Variants in ATRNL1 observed in about 807,000 individuals in gnomAD.
ATRNL1 encodes attractin like 1.
Under a neutral mutation model 182.7 loss-of-function variants are expected in ATRNL1, and 95 were observed. The observed-to-expected ratio is 0.52, with a 90% CI of 0.44 to 0.62. The LOEUF is 0.62. Ranked by LOEUF, ATRNL1 falls within the 20% of genes least tolerant of loss-of-function variation. The probability of loss-of-function intolerance (pLI) is 0.00; values close to 1 mark genes in which losing one functional copy is unlikely to be tolerated. For synonymous variants in ATRNL1, 576 were observed against 568.3 expected (o/e 1.01, Z -0.19); for missense variants, 1,471 against 1,679.5 (o/e 0.88, Z 2.17).
chr10:115,661,815 C>T (rs1555037920), intron 26 of ATRNL1, among the ~76,000 whole-genome samples: 1 of 152,038 alleles, frequency 6.6e-6, no homozygotes, highest in African/African-American at 2.4e-5. Flanking sequence ...TACATGTGCA[C>T]AACGTGCAGG....
At chr10:115,511,444 C>T (rs1850381318) in intron 24 of ATRNL1, among the ~76,000 whole-genome samples, 1 of 151,888 alleles carries the variant, frequency 6.6e-6, no homozygotes, top group African/African-American at 2.4e-5. Context: ...TTGCAAGACC[C>T]TCTCTTTCCC....
chr10:115,783,732 G>T (rs1949325610), intron 27 of ATRNL1, among the ~76,000 whole-genome samples: 1 of 152,072 alleles, frequency 6.6e-6, no homozygotes, highest in African/African-American at 2.4e-5. Context: ...AAGTGATTCG[G>T]GGCCGGGCGC....
At chr10:115,506,969 ATGTG>A (rs1565114171) in intron 24 of ATRNL1, among the ~76,000 whole-genome samples, 2 of 152,110 alleles carry the variant, frequency 1.3e-5, no homozygotes, top group African/African-American at 4.8e-5. Flanking sequence ...TTTTGATGAC[ATGTG>A]CCCAAAGTGA....
At chr10:115,399,426 C>A (rs1165800431) in intron 20 of ATRNL1, among the ~76,000 whole-genome samples, 1 of 151,882 alleles carries the variant, frequency 6.6e-6, no homozygotes, top group Non-Finnish European at 1.5e-5. Flanking sequence ...AGAAATTTAT[C>A]CTTTTTTTAT....
chr10:115,633,542 A>G (rs554147906), intron 26 of ATRNL1, among the ~76,000 whole-genome samples: 2 of 152,294 alleles, frequency 1.3e-5, no homozygotes, highest in South Asian at 4.1e-4. Context: ...ATGGGTTCTG[A>G]TTCAAAAATA....
intron 24 of ATRNL1, among the ~76,000 whole-genome samples, chr10:115,499,976 A>G (rs1554979609): frequency 6.6e-6 from 1 of 152,182 alleles, no homozygotes. Context: ...TATGGCTAGG[A>G]TGCTTTATTC....
intron 26 of ATRNL1, among the ~76,000 whole-genome samples, chr10:115,604,537 G>A (rs532876431): frequency 2.0e-4 from 30 of 152,164 alleles, no homozygotes; most frequent in African/African-American, 7.0e-4. Context: ...AAAATTCAAA[G>A]AGATATTTAG....
chr10:115,409,042 T>G (rs1489417913), intron 20 of ATRNL1, among the ~76,000 whole-genome samples: 1 of 152,188 alleles, frequency 6.6e-6, no homozygotes, highest in Non-Finnish European at 1.5e-5. Context: ...AGGATTGCTC[T>G]GACTACTAAA....
At chr10:115,836,655 C>T (rs1232870867) in intron 27 of ATRNL1, among the ~76,000 whole-genome samples, 1 of 152,184 alleles carries the variant, frequency 6.6e-6, no homozygotes, top group Non-Finnish European at 1.5e-5. Flanking sequence ...CTCCTTGTAT[C>T]AAAAGTAGGG....
At chr10:115,174,133 C>T (rs1455893172) in intron 8 of ATRNL1, among the ~76,000 whole-genome samples, 1 of 151,692 alleles carries the variant, frequency 6.6e-6, no homozygotes, top group Non-Finnish European at 1.5e-5. Flanking sequence ...TTTGTGGCTG[C>T]TTCTGTTTAG....
chr10:115,604,650 T>A (rs1856781005), intron 26 of ATRNL1, among the ~76,000 whole-genome samples: 1 of 152,156 alleles, frequency 6.6e-6, no homozygotes, highest in Admixed American at 6.6e-5. Context: ...CCATTTAGGA[T>A]ACCCTTCCTA....
chr10:115,393,877 G>A (rs1407843354), intron 19 of ATRNL1, among the ~76,000 whole-genome samples: 4 of 152,042 alleles, frequency 2.6e-5, no homozygotes, highest in African/African-American at 9.7e-5. Context: ...GGATTGCAAA[G>A]TAAGAAAAGG....
intron 27 of ATRNL1, among the ~76,000 whole-genome samples, chr10:115,741,989 A>G (rs1189639366): frequency 1.3e-5 from 2 of 152,206 alleles, no homozygotes; most frequent in Non-Finnish European, 2.9e-5. Context: ...GTGGTAAAAT[A>G]TGTCATCCAT....
chr10:115,497,270 T>C (rs1399772793), intron 24 of ATRNL1, among the ~76,000 whole-genome samples: 2 of 152,188 alleles, frequency 1.3e-5, no homozygotes, highest in Non-Finnish European at 2.9e-5. Context: ...CATTATTTTA[T>C]TGAAATCCGT....
At chr10:115,516,120 G>A (rs1479257933) in intron 24 of ATRNL1, among the ~76,000 whole-genome samples, 2 of 151,784 alleles carry the variant, frequency 1.3e-5, no homozygotes, top group African/African-American at 2.4e-5. Flanking sequence ...CAAGCTAGTA[G>A]TTACTGTCTA....
chr10:115,559,443 T>TGTGTGCGCGC (rs200694810), intron 26 of ATRNL1, among the ~76,000 whole-genome samples: 6,315 of 77,578 alleles, frequency 0.081, 163 homozygotes, highest in Middle Eastern at 0.13. Context: ...TGTGTGTGTG[T>TGTGTGCGCGC]GCGCGCGCGC....
intron 26 of ATRNL1, among the ~76,000 whole-genome samples, chr10:115,679,436 A>G (rs1178668315): frequency 6.6e-6 from 1 of 151,812 alleles, no homozygotes; most frequent in Non-Finnish European, 1.5e-5. Flanking sequence ...CCCTGCCTGC[A>G]GGTTTTTTTT....
At chr10:115,581,736 C>T (rs1177865164) in intron 26 of ATRNL1, among the ~76,000 whole-genome samples, 2 of 129,464 alleles carry the variant, frequency 1.5e-5, no homozygotes. Context: ...AAGAAACCAT[C>T]GACACTAAAC....
chr10:115,522,013 G>A (rs1213747193), intron 25 of ATRNL1, among the ~76,000 whole-genome samples: 2 of 152,066 alleles, frequency 1.3e-5, no homozygotes, highest in South Asian at 4.1e-4. Context: ...TGTTCTGTAG[G>A]GGCTGGTTCT....
Sources: gnomAD v4.1 joint callset for allele counts (sites outside exome capture counted in the v4.1 genomes callset) on GRCh38, gnomAD v4.1.1 for gene constraint, MANE v1.5 for transcripts, NCBI Gene and HGNC (gene_info 2026-07-23, HGNC 2026-07-21) for gene names.